ANAPC16: variants seen among roughly 807,000 people sequenced by gnomAD.
ANAPC16 encodes anaphase promoting complex subunit 16, also known as anaphase-promoting complex subunit 16.
In ANAPC16, 6 loss-of-function variants were observed where a neutral mutation model predicts 13.1. The ratio of observed to expected loss-of-function variants is 0.46; its 90% CI spans 0.25 to 0.90. ANAPC16 has a LOEUF of 0.90. Among genes scored for constraint, ANAPC16 ranks in the 40% least tolerant of loss-of-function variants. ANAPC16 has a pLI of 0.18. For synonymous variants in ANAPC16, 55 were observed against 51.3 expected (o/e 1.07, Z -0.31); for missense variants, 113 against 131.1 (o/e 0.86, Z 0.67).
chr10:72,230,236 C>A, intron 2 of ANAPC16, 130 bp from the exon 3 acceptor site: 1 of 621,032 alleles, frequency 1.6e-6, no homozygotes, highest in Non-Finnish European at 2.8e-6. Context: ...AAGCAGAACC[C>A]GTCTTTGTAA....
intron 1 of ANAPC16, among the ~76,000 whole-genome samples, chr10:72,218,145 C>CAAAAAAAAAAAAAAAAAAAAAAAA (rs142932037): frequency 1.1e-4 from 4 of 34,880 alleles, no homozygotes; most frequent in African/African-American, 9.5e-4. Context: ...AACTCTGTCT[C>CAAAAAAAAAAAAAAAAAAAAAAAA]AAAAAAAAAA....
At chr10:72,222,432 A>G (rs1158231139) in intron 1 of ANAPC16, among the ~76,000 whole-genome samples, 2 of 112,166 alleles carry the variant, frequency 1.8e-5, no homozygotes, top group South Asian at 2.9e-4. Flanking sequence ...ACATACATAC[A>G]TACCAGACTG....
chr10:72,223,810 C>CCCTT, intron 1 of ANAPC16, 78 bp from the exon 2 acceptor site: 1 of 1,159,160 alleles, frequency 8.6e-7, no homozygotes, highest in East Asian at 2.6e-5. Flanking sequence ...TGTATGCTGG[C>CCCTT]CCTTACAGCA....
At chr10:72,216,657 C>G (rs959910863) in intron 1 of ANAPC16, among the ~76,000 whole-genome samples, 1 of 151,982 alleles carries the variant, frequency 6.6e-6, no homozygotes, top group Non-Finnish European at 1.5e-5. Context: ...AGGCATATAT[C>G]TGTTAGAAAG....
intron 2 of ANAPC16, 73 bp from the exon 3 acceptor site, chr10:72,230,293 C>A: frequency 8.6e-7 from 1 of 1,167,284 alleles, no homozygotes; most frequent in Non-Finnish European, 1.3e-6. Flanking sequence ...AAAGAATAGA[C>A]AAGTTTACTT....
At chr10:72,222,433 T>C (rs1254039294) in intron 1 of ANAPC16, among the ~76,000 whole-genome samples, 1 of 119,288 alleles carries the variant, frequency 8.4e-6, no homozygotes, top group African/African-American at 4.5e-5. Context: ...CATACATACA[T>C]ACCAGACTGA....
chr10:72,230,532 C>A, intron 3 of ANAPC16, 92 bp downstream of exon 3: 2 of 1,038,154 alleles, frequency 1.9e-6, no homozygotes, highest in African/African-American at 1.6e-5. Flanking sequence ...CTCAGCAAGG[C>A]TATTTTAGTG....
At chr10:72,222,191 A>G (rs1230982953) in intron 1 of ANAPC16, among the ~76,000 whole-genome samples, 3 of 151,326 alleles carry the variant, frequency 2.0e-5, no homozygotes, top group Admixed American at 6.6e-5. Flanking sequence ...AGGCCGAGGC[A>G]GGCAGATCAC....
At chr10:72,218,164 AAATATATATATAT>A (rs1859705710) in intron 1 of ANAPC16, among the ~76,000 whole-genome samples, 1 of 22,076 alleles carries the variant, frequency 4.5e-5, no homozygotes, top group Non-Finnish European at 8.0e-5. Context: ...AAAAAAAAAA[AAATATATATATAT>A]ATATATATAT....
Position 72,233,066 on chromosome 10 carries a change from C to T in ANAPC16, c.283C>T (p.Arg95Trp), listed in dbSNP as rs1033463145. 22 of 1,614,166 alleles carry T rather than the reference C, an allele frequency of 1.4e-5. No homozygotes were observed. Among genetic ancestry groups the T allele is most frequent in the East Asian group, 1.1e-4 (5 of 44,886 alleles). ...AGAAGAGCTGGAGGCTGACGAGTGG[C>T]GGTTTAAGCCCATCGAGCAGCTGCT... The part of the protein sequence containing the change: ...LVEELEADEW[R>W]FKPIEQLLGF... Residue 95 changes from arginine to tryptophan, a missense_variant, in exon 4 of 4, where the codon CGG becomes TGG. Transcript: ENST00000299381.
chr10:72,231,056 G>A (rs925386556), intron 3 of ANAPC16, among the ~76,000 whole-genome samples: 1 of 152,058 alleles, frequency 6.6e-6, no homozygotes, highest in African/African-American at 2.4e-5. Flanking sequence ...CTAACATCCT[G>A]ATAACACTTT....
chr10:72,226,018 A>ATT (rs376574019), intron 2 of ANAPC16, among the ~76,000 whole-genome samples: 15 of 142,290 alleles, frequency 1.1e-4, no homozygotes, highest in Non-Finnish European at 1.2e-4. Context: ...AAGTGTTGCA[A>ATT]TTTTTTTTTT....
chr10:72,221,876 C>T (rs541124524), intron 1 of ANAPC16, among the ~76,000 whole-genome samples: 22 of 151,072 alleles, frequency 1.5e-4, no homozygotes, highest in South Asian at 2.1e-4. Flanking sequence ...ATTACAGGCA[C>T]GCACCACCAT....
At chr10:72,219,386 C>T (rs1032342303) in intron 1 of ANAPC16, among the ~76,000 whole-genome samples, 1 of 152,094 alleles carries the variant, frequency 6.6e-6, no homozygotes. Flanking sequence ...GATATGAGTA[C>T]AATTTGGAAA....
intron 2 of ANAPC16, among the ~76,000 whole-genome samples, chr10:72,229,212 A>G (rs1293550905): frequency 7.0e-6 from 1 of 143,276 alleles, no homozygotes; most frequent in Non-Finnish European, 1.5e-5. Context: ...TTATACTTTC[A>G]TTTTTTTCTT....
chr10:72,233,955 G>A lies in ANAPC16; in HGVS notation c.*839G>A, dbSNP rs1018207447. Reference sequence around the variant, plus strand: ...CAAATGGTAGACTGGCTTTACTTAAGGGATATTTGTCTTTATAGGAGTACA... The same window carrying A: ...CAAATGGTAGACTGGCTTTACTTAAAGGATATTTGTCTTTATAGGAGTACA... On this transcript the variant is annotated 3_prime_UTR_variant, in exon 4 of 4. Transcript: ENST00000299381. 3.3e-5 allele frequency: 5 copies of A among 152,174 alleles called. No homozygotes were observed. The highest frequency in any genetic ancestry group is 1.2e-4 in the African/African-American group (5 of 41,400). The allele number at this position is 152,174 out of a possible 1,614,324, so 9.4% of individuals were successfully genotyped here.
chr10:72,216,977 C>T (rs1466275677), intron 1 of ANAPC16: 3 of 455,792 alleles, frequency 6.6e-6, no homozygotes, highest in East Asian at 6.9e-5. Flanking sequence ...ATCCAATACT[C>T]ATGACACAGC....
intron 1 of ANAPC16, chr10:72,223,656 G>A (rs2133672923): frequency 6.3e-6 from 2 of 319,280 alleles, no homozygotes; most frequent in South Asian, 1.1e-4. Flanking sequence ...TTCGCTAATG[G>A]TAGGAATTCA....
intron 1 of ANAPC16, chr10:72,219,982 G>C (rs1397322690): frequency 1.3e-5 from 2 of 152,042 alleles, no homozygotes; most frequent in Non-Finnish European, 2.9e-5. Context: ...TAGGAATCTG[G>C]ATTTTATGTA....
Sources: gnomAD v4.1 joint callset for allele counts (sites outside exome capture counted in the v4.1 genomes callset) on GRCh38, gnomAD v4.1.1 for gene constraint, MANE v1.5 for transcripts, NCBI Gene and HGNC (gene_info 2026-07-23, HGNC 2026-07-21) for gene names.